Variants in URI1 observed in about 807,000 individuals in gnomAD.
URI1 encodes the protein URI1 prefoldin like chaperone.
In URI1, 39 loss-of-function variants were observed where a neutral mutation model predicts 60.2. The observed-to-expected ratio is 0.65, with a 90% confidence interval of 0.50 to 0.85. The LOEUF is 0.85. URI1 is among the 40% of genes least tolerant of loss of function. The probability of loss-of-function intolerance (pLI) is 0.00; values close to 1 mark genes in which losing one functional copy is unlikely to be tolerated. For missense variants in URI1, 691 were observed against 665.9 expected (o/e 1.04, Z -0.42); for synonymous variants, 251 against 236.8 (o/e 1.06, Z -0.55).
chr19:29,984,290 G>A (rs984061743), intron 2 of URI1, among the ~76,000 whole-genome samples: 6 of 152,064 alleles, frequency 3.9e-5, no homozygotes, highest in East Asian at 1.9e-4. Flanking sequence ...TTAGCTGGGC[G>A]TGGTGTCATG....
At chr19:29,982,383 A>G (rs1207664046) in intron 2 of URI1, among the ~76,000 whole-genome samples, 1 of 150,408 alleles carries the variant, frequency 6.6e-6, no homozygotes, top group Non-Finnish European at 1.5e-5. Flanking sequence ...TTTAATGTAC[A>G]AAATAGATGT....
chr19:30,010,466 T>G (rs567686831), intron 8 of URI1, among the ~76,000 whole-genome samples: 4 of 152,318 alleles, frequency 2.6e-5, no homozygotes. Flanking sequence ...TTTACTTTTT[T>G]CCTGTTTTCA....
intron 8 of URI1, 122 bp downstream of exon 8, chr19:30,009,475 A>G (rs2055991684): frequency 1.0e-6 from 1 of 996,592 alleles, no homozygotes; most frequent in East Asian, 2.6e-5. Flanking sequence ...CAGGAAAATC[A>G]TCTTTTGCCT....
At chr19:29,975,279 C>A (rs2055506478) in intron 2 of URI1, among the ~76,000 whole-genome samples, 1 of 152,034 alleles carries the variant, frequency 6.6e-6, no homozygotes, top group African/African-American at 2.4e-5. Context: ...TATCCCATCT[C>A]CAGTTTTGAA....
intron 1 of URI1, among the ~76,000 whole-genome samples, chr19:29,970,122 G>A (rs1165116023): frequency 7.3e-6 from 1 of 136,794 alleles, no homozygotes; most frequent in Non-Finnish European, 1.6e-5. Flanking sequence ...AAAAAAAATC[G>A]TGTGTATTTT....
chr19:29,938,304 T>A (rs980320062), upstream of URI1, among the ~76,000 whole-genome samples: 5 of 152,086 alleles, frequency 3.3e-5, no homozygotes, highest in African/African-American at 1.2e-4. Context: ...GAGCTGCACG[T>A]CACATGGCAA....
At chr19:30,010,775 C>T (rs2056007180) in intron 8 of URI1, among the ~76,000 whole-genome samples, 1 of 152,158 alleles carries the variant, frequency 6.6e-6, no homozygotes. Flanking sequence ...TCAAGCCAAA[C>T]ACTTATATCA....
intron 1 of URI1, among the ~76,000 whole-genome samples, chr19:29,956,119 G>A (rs1031210589): frequency 1.6e-4 from 25 of 151,522 alleles, no homozygotes; most frequent in African/African-American, 5.8e-4. Flanking sequence ...CATGTTGCTG[G>A]GATTACAGGT....
At chr19:29,931,824 G>A (rs2054919813) in intron 1 of URI1, among the ~76,000 whole-genome samples, 2 of 151,212 alleles carry the variant, frequency 1.3e-5, no homozygotes, top group African/African-American at 4.9e-5. Flanking sequence ...CTACTACTTA[G>A]AAATATATAT....
chr19:29,932,624 GATT>G (rs1214141686), intron 1 of URI1, among the ~76,000 whole-genome samples: 3 of 139,244 alleles, frequency 2.2e-5, no homozygotes, highest in Non-Finnish European at 4.6e-5. Flanking sequence ...GCCCATTTGA[GATT>G]ATTATGTGGT....
intron 1 of URI1, among the ~76,000 whole-genome samples, chr19:29,934,391 A>G (rs1003514301): frequency 6.6e-6 from 1 of 152,234 alleles, no homozygotes; most frequent in Non-Finnish European, 1.5e-5. Context: ...TTATTTTCTC[A>G]CAATTCTGGA....
chr19:29,999,500 C>G (rs1257334427), intron 4 of URI1, among the ~76,000 whole-genome samples: 2 of 152,070 alleles, frequency 1.3e-5, no homozygotes. Context: ...TATATGTCAT[C>G]CCATAACCTT....
In URI1 at chr19:29,942,385, G is replaced by C. The variant is rs543207848; in HGVS notation, c.-163G>C. The C allele has an allele frequency of 3.0e-6, 3 of 983,760 alleles. No individual in the cohort carries two copies. Among genetic ancestry groups the C allele is most frequent in the Non-Finnish European group, 3.6e-6 (3 of 829,308 alleles). 60.9% of individuals were successfully genotyped at this position (983,760 alleles called of 1,614,324 possible). A position where few individuals can be genotyped will look rare whatever the true frequency, so the allele number is the denominator to read the frequency against. ...CACGTGTGAGATGCGGCAGCGGGCG[G>C]CGCGGACGCGAACAGCAGCGGCGGC... is the stretch of plus-strand genomic sequence containing the variant. On this transcript the variant is annotated 5_prime_UTR_variant, in exon 1 of 11. Transcript: ENST00000392271.
intron 2 of URI1, among the ~76,000 whole-genome samples, chr19:29,973,157 A>G (rs1385396635): frequency 6.6e-6 from 1 of 152,078 alleles, no homozygotes; most frequent in African/African-American, 2.4e-5. Flanking sequence ...TTCTTGTGAT[A>G]TTTTTGCATT....
At chr19:30,012,197 T>C in intron 9 of URI1, 88 bp from the exon 10 acceptor site, 2 of 1,449,414 alleles carry the variant, frequency 1.4e-6, no homozygotes, top group South Asian at 3.0e-5. Flanking sequence ...GATTAATTTC[T>C]AGAATAGATT....
intron 1 of URI1, among the ~76,000 whole-genome samples, chr19:29,967,769 A>G (rs975060816): frequency 6.6e-6 from 1 of 152,214 alleles, no homozygotes; most frequent in Non-Finnish European, 1.5e-5. Flanking sequence ...AGAATCCCTG[A>G]TAGAAAGACT....
At chr19:29,942,977 G>T (rs950975649) in intron 1 of URI1, among the ~76,000 whole-genome samples, 4 of 152,208 alleles carry the variant, frequency 2.6e-5, no homozygotes, top group African/African-American at 7.2e-5. Context: ...TTTGTAGCTT[G>T]TAATGACCTA....
chr19:29,925,890 AC>A (rs1347118628), intron 1 of URI1: 2 of 152,134 alleles, frequency 1.3e-5, no homozygotes, highest in Non-Finnish European at 2.9e-5. Flanking sequence ...CAGAAACCAG[AC>A]CCCAGAGCAC....
chr19:30,006,854 C>T (rs2055949379), intron 6 of URI1, among the ~76,000 whole-genome samples: 1 of 151,906 alleles, frequency 6.6e-6, no homozygotes, highest in Admixed American at 6.6e-5. Context: ...AGATTTGACC[C>T]ATCTTTTTTC....
Sources: gnomAD v4.1 joint callset for allele counts (sites outside exome capture counted in the v4.1 genomes callset) on GRCh38, gnomAD v4.1.1 for gene constraint, MANE v1.5 for transcripts, NCBI Gene and HGNC (gene_info 2026-07-23, HGNC 2026-07-21) for gene names.